SPRY3: variants seen among roughly 807,000 people sequenced by gnomAD.
SPRY3 encodes the protein sprouty RTK signaling antagonist 3.
In SPRY3, 15 loss-of-function variants were observed where a neutral mutation model predicts 20.2. The ratio of observed to expected loss-of-function variants is 0.74; its 90% CI spans 0.50 to 1.14. SPRY3 has a LOEUF of 1.14. SPRY3 is among the 50% of genes most tolerant of loss of function. The probability of loss-of-function intolerance (pLI) is 0.00; values close to 1 mark genes in which losing one functional copy is unlikely to be tolerated. For synonymous variants in SPRY3, 143 were observed against 136.5 expected (o/e 1.05, Z -0.33); for missense variants, 364 against 363.9 (o/e 1.00, Z 0.00).
chrX:155,733,475 AC>A (rs1490002131), intron 2 of SPRY3, among the ~76,000 whole-genome samples: 1 of 151,852 alleles, frequency 6.6e-6, no homozygotes, highest in Non-Finnish European at 1.5e-5. Context: ...ATTAAAAAAA[AC>A]ATACTGGTAA....
intron 1 of SPRY3, among the ~76,000 whole-genome samples, chrX:155,614,248 G>C (rs1333140660): frequency 6.3e-5 from 7 of 111,666 alleles, no homozygotes; most frequent in African/African-American, 2.3e-4. Context: ...GAACAAATTG[G>C]AGTTGGCCAG....
intron 1 of SPRY3, among the ~76,000 whole-genome samples, chrX:155,649,054 C>A (rs1234672976): frequency 9.0e-6 from 1 of 111,351 alleles, no homozygotes; most frequent in Middle Eastern, 4.2e-3. Context: ...ATACACCTTC[C>A]CAAGACTAAA....
At chrX:155,720,583 T>A (rs921167393) in intron 2 of SPRY3, among the ~76,000 whole-genome samples, 1 of 152,102 alleles carries the variant, frequency 6.6e-6, no homozygotes, top group Non-Finnish European at 1.5e-5. Flanking sequence ...ACCCCCAGCT[T>A]CAGGTGGCTC....
At chrX:155,681,229 A>G (rs1281103114) in intron 2 of SPRY3, among the ~76,000 whole-genome samples, 1 of 111,248 alleles carries the variant, frequency 9.0e-6, no homozygotes, top group Non-Finnish European at 1.9e-5. Context: ...ATGGGAGTAA[A>G]TAAGTCTCAC....
intron 2 of SPRY3, among the ~76,000 whole-genome samples, chrX:155,721,328 TAA>T (rs2091056093): frequency 6.6e-6 from 1 of 152,090 alleles, no homozygotes. Flanking sequence ...AAGGCAAATC[TAA>T]GAGTTATTGA....
chrX:155,630,386 G>A (rs183814599), intron 1 of SPRY3, among the ~76,000 whole-genome samples: 115 of 111,532 alleles, frequency 1.0e-3, no homozygotes, highest in African/African-American at 2.5e-3. Flanking sequence ...AATAATTCCC[G>A]TTAACATTTC....
chrX:155,774,450 C>T, exon 4 of SPRY3: 1 of 1,614,014 alleles, frequency 6.2e-7, no homozygotes, highest in Non-Finnish European at 8.5e-7. Context: ...GTGTCAAGGG[C>T]CTCTTCTACC....
At chrX:155,683,124 A>G (rs1166803235) in intron 2 of SPRY3, among the ~76,000 whole-genome samples, 1 of 112,402 alleles carries the variant, frequency 8.9e-6, no homozygotes, top group Admixed American at 9.4e-5. Flanking sequence ...CCTGGTAAGG[A>G]TGCTATGAAC....
chrX:155,735,067 A>T (rs943662823), intron 2 of SPRY3, among the ~76,000 whole-genome samples: 1 of 151,584 alleles, frequency 6.6e-6, no homozygotes, highest in Admixed American at 6.6e-5. Context: ...TCATTTAATT[A>T]AAAAAAATTT....
chrX:155,774,930 C>T, exon 4 of SPRY3: 1 of 656,542 alleles, frequency 1.5e-6, no homozygotes, highest in Non-Finnish European at 2.7e-6. Context: ...CAGTATCTAT[C>T]CCACTCCTCT....
chrX:155,732,735 A>G (rs1305664262), intron 2 of SPRY3, among the ~76,000 whole-genome samples: 5 of 152,094 alleles, frequency 3.3e-5, no homozygotes, highest in African/African-American at 1.2e-4. Flanking sequence ...AATAGTCAAG[A>G]TTTGGAAGGA....
intron 2 of SPRY3, 25 bp from the exon 2 acceptor site, chrX:155,767,937 T>C (rs1189126400): frequency 6.5e-6 from 1 of 154,026 alleles, no homozygotes; most frequent in Non-Finnish European, 1.4e-5. Context: ...TTGTTTTGTT[T>C]TGTGTTTTCT....
exon 4 of SPRY3, chrX:155,774,447 G>A (rs2091407883): frequency 6.2e-7 from 1 of 1,613,904 alleles, no homozygotes; most frequent in Non-Finnish European, 8.5e-7. Flanking sequence ...GCTGTGTCAA[G>A]GGCCTCTTCT....
rs145813276 is a variant in SPRY3, at chrX:155,693,336, G to T, written c.-282+36311G>T. Among the ~76,000 whole-genome samples the T allele has an allele frequency of 3.6e-3, 408 of 111,854 alleles. 7 individuals carry two copies. In the East Asian group the frequency reaches 0.047, roughly 13 times the overall value. On this transcript the variant is annotated intron_variant, in intron 2 of 3. Coordinates refer to ENST00000675360, the Ensembl canonical transcript of SPRY3. ...CTAATTTAATTCCACTGTGGTCAGA[G>T]AACATCCTCTGCATAGTTTCAATCA...
chrX:155,711,106 G>A (rs2090983044), intron 2 of SPRY3, among the ~76,000 whole-genome samples: 2 of 151,748 alleles, frequency 1.3e-5, no homozygotes, highest in South Asian at 2.1e-4. Flanking sequence ...CATCAGGGAT[G>A]TTAGCCTATA....
intron 1 of SPRY3, among the ~76,000 whole-genome samples, chrX:155,625,266 T>A (rs1557349840): frequency 9.0e-6 from 1 of 111,598 alleles, no homozygotes; most frequent in East Asian, 2.8e-4. Context: ...CTGATCCCCA[T>A]ATACCTATCA....
chrX:155,714,501 T>C (rs1305787545), intron 2 of SPRY3, among the ~76,000 whole-genome samples: 4 of 152,132 alleles, frequency 2.6e-5, no homozygotes, highest in South Asian at 4.2e-4. Context: ...TTTTCCTTAC[T>C]TTCTCCCAAA....
At chrX:155,754,753 G>A (rs2091277358) in intron 2 of SPRY3, among the ~76,000 whole-genome samples, 1 of 151,872 alleles carries the variant, frequency 6.6e-6, no homozygotes, top group Non-Finnish European at 1.5e-5. Flanking sequence ...ATATAGGTCT[G>A]CTTTAACTTC....
chrX:155,717,196 G>A (rs2091029378), intron 2 of SPRY3, among the ~76,000 whole-genome samples: 1 of 148,244 alleles, frequency 6.7e-6, no homozygotes, highest in African/African-American at 2.5e-5. Flanking sequence ...TTTTTTTGCT[G>A]GGCCTTCTCA....
Sources: allele counts gnomAD v4.1 joint callset (sites outside exome capture counted in the v4.1 genomes callset), GRCh38; gene constraint gnomAD v4.1.1; transcripts MANE v1.5; gene names NCBI Gene and HGNC (gene_info 2026-07-23, HGNC 2026-07-21).